PPP2R2B: variants seen among roughly 807,000 people sequenced by gnomAD.
PPP2R2B encodes serine/threonine-protein phosphatase 2A 55 kDa regulatory subunit B beta isoform.
In PPP2R2B, 5 loss-of-function variants were observed where a neutral mutation model predicts 46.0. That is an observed-to-expected ratio of 0.11 (90% CI 0.06 to 0.23). PPP2R2B has a LOEUF of 0.23. PPP2R2B is among the 10% of genes least tolerant of loss of function. PPP2R2B has a pLI of 1.00. For missense variants in PPP2R2B, 367 were observed against 575.0 expected (o/e 0.64, Z 3.70); for synonymous variants, 215 against 206.7 (o/e 1.04, Z -0.34).
chr5:146,694,158 A>T (rs1387874413), intron 4 of PPP2R2B, among the ~76,000 whole-genome samples: 1 of 152,192 alleles, frequency 6.6e-6, no homozygotes, highest in South Asian at 2.1e-4. Context: ...AGCAGCAAAT[A>T]AGTGCCCCAT....
chr5:146,960,673 C>G (rs1752131500), intron 1 of PPP2R2B, among the ~76,000 whole-genome samples: 1 of 152,160 alleles, frequency 6.6e-6, no homozygotes, highest in Admixed American at 6.5e-5. Context: ...TAGTCAAAAA[C>G]CTAACCAAAT....
At chr5:146,687,868 A>G (rs1272490067) in intron 5 of PPP2R2B, among the ~76,000 whole-genome samples, 4 of 152,208 alleles carry the variant, frequency 2.6e-5, no homozygotes, top group African/African-American at 4.8e-5. Flanking sequence ...CTCACTCTCA[A>G]TACCCACATA....
chr5:146,643,183 C>CGAGA (rs150316003), intron 6 of PPP2R2B, among the ~76,000 whole-genome samples: 111 of 148,494 alleles, frequency 7.5e-4, no homozygotes, highest in African/African-American at 2.1e-3. Flanking sequence ...CACACACACA[C>CGAGA]GAGAGAGAGA....
intron 2 of PPP2R2B, among the ~76,000 whole-genome samples, chr5:146,711,250 C>T (rs182783138): frequency 3.9e-5 from 6 of 151,978 alleles, no homozygotes; most frequent in African/African-American, 1.4e-4. Flanking sequence ...TTTCTATGCT[C>T]ACAAGTCATC....
intron 2 of PPP2R2B, among the ~76,000 whole-genome samples, chr5:146,832,388 T>A (rs1456426745): frequency 1.7e-4 from 23 of 133,098 alleles, no homozygotes; most frequent in Non-Finnish European, 3.6e-4. Context: ...TCTTTTTTTT[T>A]TTTTTTTTTT....
At chr5:146,882,509 C>T (rs1186189962), upstream of PPP2R2B, among the ~76,000 whole-genome samples, 2 of 152,150 alleles carry the variant, frequency 1.3e-5, no homozygotes, top group African/African-American at 4.8e-5. Context: ...CTCCCTAAAG[C>T]ATCATTTTCT....
At chr5:146,726,853 T>C (rs1168411816) in intron 2 of PPP2R2B, among the ~76,000 whole-genome samples, 1 of 152,204 alleles carries the variant, frequency 6.6e-6, no homozygotes, top group East Asian at 1.9e-4. Context: ...GAGGGCCATA[T>C]ACAGTTCTGG....
chr5:146,877,678 C>T (rs1761973937), intron 2 of PPP2R2B, among the ~76,000 whole-genome samples: 1 of 152,100 alleles, frequency 6.6e-6, no homozygotes, highest in Non-Finnish European at 1.5e-5. Context: ...CCCCCAAGAC[C>T]CCTGCGAACA....
At chr5:146,784,995 T>A (rs555487764) in intron 2 of PPP2R2B, among the ~76,000 whole-genome samples, 1 of 152,160 alleles carries the variant, frequency 6.6e-6, no homozygotes, top group African/African-American at 2.4e-5. Context: ...CACCCAAGAG[T>A]GCATCACACC....
intron 2 of PPP2R2B, among the ~76,000 whole-genome samples, chr5:146,799,089 G>A (rs1404163785): frequency 2.0e-5 from 3 of 152,088 alleles, no homozygotes; most frequent in South Asian, 2.1e-4. Flanking sequence ...CAAAGCAATG[G>A]CCAAAGAAAG....
chr5:146,782,928 T>C (rs1434461883), intron 2 of PPP2R2B, among the ~76,000 whole-genome samples: 1 of 152,038 alleles, frequency 6.6e-6, no homozygotes, highest in African/African-American at 2.4e-5. Context: ...GCTAGAAATG[T>C]GGATACAAAA....
At chr5:146,853,820 T>G (rs1377254793) in intron 2 of PPP2R2B, among the ~76,000 whole-genome samples, 1 of 152,030 alleles carries the variant, frequency 6.6e-6, no homozygotes, top group Non-Finnish European at 1.5e-5. Flanking sequence ...TTGACTACCA[T>G]TCTCCCTGCT....
At chr5:146,620,846 C>T (rs1485043068) in intron 7 of PPP2R2B, among the ~76,000 whole-genome samples, 2 of 152,222 alleles carry the variant, frequency 1.3e-5, no homozygotes, top group Non-Finnish European at 2.9e-5. Context: ...TGGGGAGCCT[C>T]TGCCCAGGTG....
chr5:146,685,636 C>T (rs779534451), intron 5 of PPP2R2B, among the ~76,000 whole-genome samples: 32 of 152,294 alleles, frequency 2.1e-4, no homozygotes, highest in Non-Finnish European at 4.4e-4. Context: ...TGCCAGTTGG[C>T]CAGTGTCTTA....
chr5:146,764,727 A>C (rs911106765), intron 2 of PPP2R2B, among the ~76,000 whole-genome samples: 29 of 152,090 alleles, frequency 1.9e-4, no homozygotes, highest in African/African-American at 6.5e-4. Context: ...CAGTTAAGAT[A>C]ATTTAAGTCC....
At chr5:147,060,570 G>A (rs149904069), upstream of PPP2R2B, among the ~76,000 whole-genome samples, 98 of 152,264 alleles carry the variant, frequency 6.4e-4, no homozygotes, top group African/African-American at 1.6e-3. Context: ...TGAGGCTGCC[G>A]TGATCCACGT....
At chr5:147,050,747 A>C (rs1294641412) in intron 1 of PPP2R2B, among the ~76,000 whole-genome samples, 1 of 152,148 alleles carries the variant, frequency 6.6e-6, no homozygotes, top group Non-Finnish European at 1.5e-5. Flanking sequence ...AATAGTATGC[A>C]TCCTATGTTT....
intron 4 of PPP2R2B, among the ~76,000 whole-genome samples, chr5:146,693,932 G>C (rs985851813): frequency 6.6e-6 from 1 of 152,146 alleles, no homozygotes; most frequent in Non-Finnish European, 1.5e-5. Flanking sequence ...GAGAAAAGCC[G>C]TCCCTCTGGG....
intron 7 of PPP2R2B, among the ~76,000 whole-genome samples, chr5:146,609,966 C>G (rs1396052089): frequency 6.9e-6 from 1 of 143,894 alleles, no homozygotes; most frequent in Non-Finnish European, 1.5e-5. Context: ...ACAAAGCAGC[C>G]GGGAAGCTCG....
Sources: gnomAD v4.1 joint callset for allele counts (sites outside exome capture counted in the v4.1 genomes callset) on GRCh38, gnomAD v4.1.1 for gene constraint, MANE v1.5 for transcripts, NCBI Gene and HGNC (gene_info 2026-07-23, HGNC 2026-07-21) for gene names.